The following VWDE variants were observed in gnomAD, a reference collection of about 807,000 sequenced individuals.
VWDE encodes von Willebrand factor D and EGF domain-containing protein.
VWDE carries 207 observed loss-of-function variants against 178.4 expected under a neutral mutation model. The ratio of observed to expected loss-of-function variants is 1.16; its 90% CI spans 1.04 to 1.30. VWDE has a LOEUF of 1.30. VWDE is among the 50% of genes most tolerant of loss of function. The pLI is 0.00. For missense variants in VWDE, 2,287 were observed against 1,901.3 expected (o/e 1.20, Z -3.77); for synonymous variants, 738 against 651.4 (o/e 1.13, Z -2.02).
At chr7:12,394,966 C>G (rs1245956299) in intron 1 of VWDE, among the ~76,000 whole-genome samples, 1 of 151,972 alleles carries the variant, frequency 6.6e-6, no homozygotes, top group African/African-American at 2.4e-5. Context: ...ACAAGTGTAG[C>G]CTACGAAAAA....
At chr7:12,359,166 A>C (rs1782434899) in intron 16 of VWDE, among the ~76,000 whole-genome samples, 1 of 152,154 alleles carries the variant, frequency 6.6e-6, no homozygotes, top group South Asian at 2.1e-4. Flanking sequence ...AAGTATCTCA[A>C]AATTATCTGT....
chr7:12,334,318 T>G (rs997523499), intron 27 of VWDE, among the ~76,000 whole-genome samples: 1 of 152,210 alleles, frequency 6.6e-6, no homozygotes, highest in African/African-American at 2.4e-5. Flanking sequence ...CAAACAATAT[T>G]GAGTGAAAAT....
chr7:12,348,915 T>A (rs1037625299), intron 19 of VWDE, among the ~76,000 whole-genome samples: 4 of 152,106 alleles, frequency 2.6e-5, no homozygotes, highest in African/African-American at 9.7e-5. Context: ...GATGAGTTCA[T>A]GTCCTTTGTA....
chr7:12,373,246 C>G lies in VWDE; in HGVS notation c.1318G>C (p.Val440Leu). 6.5e-7 allele frequency: 1 copy of G among 1,549,518 alleles called. No individual in the cohort carries two copies. The highest frequency in any genetic ancestry group is 8.7e-7 in the Non-Finnish European group (1 of 1,146,352). Reference protein sequence around the residue: ...DPHIITFDGRVYDNFKTGTFV... With the variant: ...DPHIITFDGRLYDNFKTGTFV... The stretch of plus-strand genomic sequence containing the variant: ...GTTCCAGTCTTGAAATTATCATATA[C>G]CCTATCATTAACAAAAGGCAATTGC... Residue 440 changes from valine to leucine, a missense_variant and splice_region_variant, in exon 10 of 29, where the codon GTA becomes CTA. Transcript: ENST00000275358.
At position 12,357,468 on chromosome 7, in the gene VWDE, A is replaced by C; in HGVS notation, c.3322T>G (p.Phe1108Val). Residue 1108 changes from phenylalanine to valine, a missense_variant, in exon 17 of 29, where the codon TTT (phenylalanine) becomes GTT (valine). By Grantham distance (50) the Phe-to-Val change is conservative (BLOSUM62 -1). Coordinates refer to ENST00000275358, the MANE Select transcript of VWDE (RefSeq NM_001135924.3). ...IQALQDKLQTFYGENFEYQFV... is the reference protein window; with the variant it reads ...IQALQDKLQTVYGENFEYQFV... ...TGATACTCAAAGTTTTCACCATAAAATGTCTGTAATTTGTCTTGCAATGCT... is the reference window on the plus strand; with the variant it reads ...TGATACTCAAAGTTTTCACCATAAACTGTCTGTAATTTGTCTTGCAATGCT... The C allele has an allele frequency of 6.4e-7, 1 of 1,552,106 alleles. No homozygotes were observed. Among genetic ancestry groups the C allele is most frequent in the Non-Finnish European group, 8.7e-7 (1 of 1,147,098 alleles).
At chr7:12,384,680 T>C (rs988812856) in intron 3 of VWDE, among the ~76,000 whole-genome samples, 1 of 152,120 alleles carries the variant, frequency 6.6e-6, no homozygotes, top group Non-Finnish European at 1.5e-5. Context: ...GTTGGTTTTA[T>C]GCCAGTTCCT....
intron 19 of VWDE, among the ~76,000 whole-genome samples, chr7:12,345,396 G>A (rs746660519): frequency 6.6e-6 from 1 of 152,016 alleles, no homozygotes; most frequent in African/African-American, 2.4e-5. Context: ...TACTACCTCT[G>A]CAATTGATAC....
At chr7:12,350,569 T>C (rs565596017) in intron 19 of VWDE, among the ~76,000 whole-genome samples, 8 of 152,218 alleles carry the variant, frequency 5.3e-5, no homozygotes, top group African/African-American at 1.7e-4. Flanking sequence ...TCCCATACCA[T>C]TAACAAAGCT....
chr7:12,331,256 A>G, intron 28 of VWDE, 59 bp from the exon 29 acceptor site: 1 of 1,451,678 alleles, frequency 6.9e-7, no homozygotes, highest in Non-Finnish European at 9.3e-7. Flanking sequence ...TTTAACCCTT[A>G]CTCATTATTT....
At position 12,344,392 on chromosome 7, in the gene VWDE, C is replaced by A; in HGVS notation, c.3964G>T (p.Gly1322Cys). The change falls in exon 20 of 29, where the codon GGT becomes TGT. Residue 1322 changes from glycine (G) to cysteine (C), a missense_variant. By Grantham distance (159) the Gly-to-Cys change is radical. Transcript: ENST00000275358. ...NICKCKPGYIGSNCQTALCDP... is the reference protein window; with the variant it reads ...NICKCKPGYICSNCQTALCDP... ...TACCTACCAGTTTGGCAGTTAGAAC[C>A]AATGTAACCAGGTTTACATTTGCAG... 1 of 1,550,698 alleles carries A rather than the reference C, an allele frequency of 6.4e-7. No individual in the cohort carries two copies. Among genetic ancestry groups the A allele is most frequent in the Non-Finnish European group, 8.7e-7 (1 of 1,146,462 alleles).
In VWDE at chr7:12,337,826, T is replaced by C. The variant is rs533436089; in HGVS notation, c.4367-554A>G. Among the ~76,000 whole-genome samples the C allele has an allele frequency of 2.6e-5, 4 of 152,282 alleles. No homozygotes were observed. The East Asian group carries it at 5.8e-4, about 22-fold the overall frequency. ...AGAATATTTGTTAGATAATTTTGAA[T>C]ATATCTTACTGGTAGTTCCTATTTG... On this transcript the variant is annotated intron_variant, in intron 24 of 28. Transcript: ENST00000275358.
At chr7:12,388,038 G>A (rs185200526) in intron 3 of VWDE, among the ~76,000 whole-genome samples, 347 of 152,194 alleles carry the variant, frequency 2.3e-3, no homozygotes, top group Non-Finnish European at 3.5e-3. Flanking sequence ...CAGATTTTAC[G>A]AATCTGAATT....
chr7:12,353,922 T>TTC (rs1782078719), intron 18 of VWDE: 1 of 153,836 alleles, frequency 6.5e-6, no homozygotes, highest in Admixed American at 6.5e-5. Context: ...TGTTGCCTGC[T>TTC]TCTGTCCCTT....
chr7:12,382,407 T>C (rs1015675859), intron 4 of VWDE, among the ~76,000 whole-genome samples: 3 of 151,770 alleles, frequency 2.0e-5, no homozygotes, highest in Non-Finnish European at 4.4e-5. Context: ...TTAATTAAAC[T>C]GACCTCCACA....
Position 12,331,134 on chromosome 7 carries a change from T to C in VWDE, c.*49A>G. 1 of 1,487,088 alleles carries C rather than the reference T, an allele frequency of 6.7e-7. No individual in the cohort carries two copies. Among genetic ancestry groups the C allele is most frequent in the Non-Finnish European group, 9.0e-7 (1 of 1,105,424 alleles). The allele number at this position is 1,487,088 out of a possible 1,614,324, so 92.1% of individuals were successfully genotyped here. On this transcript the variant is annotated 3_prime_UTR_variant, in exon 29 of 29. Transcript: ENST00000275358. ...TATCTCCAACTTTTTCTGAACAAAATATTTCCATTCTTAAGATACAGGCTT... is the reference window on the plus strand; with the variant it reads ...TATCTCCAACTTTTTCTGAACAAAACATTTCCATTCTTAAGATACAGGCTT...
At chr7:12,365,805 A>G (rs1040735049) in intron 13 of VWDE, among the ~76,000 whole-genome samples, 1 of 152,172 alleles carries the variant, frequency 6.6e-6, no homozygotes, top group African/African-American at 2.4e-5. Context: ...ACTTCAGCAC[A>G]ATGTAAAATA....
In VWDE at chr7:12,370,741, T is replaced by C; in HGVS notation, c.1711A>G (p.Asn571Asp). The change falls in exon 11 of 29, where the codon AAT becomes GAT. Residue 571 changes from asparagine (N) to aspartate (D), a missense_variant. Asn to Asp is a conservative substitution (Grantham distance 23, BLOSUM62 1). Coordinates refer to ENST00000275358, the MANE Select transcript of VWDE (RefSeq NM_001135924.3). ...TLGLCGTFDE[N>D]PENDFHDKNG... ...TTGTCATGGAAATCATTTTCCGGATTTTCATCAAAGGTTCCACAAAGTCCC... is the reference window on the plus strand; with the variant it reads ...TTGTCATGGAAATCATTTTCCGGATCTTCATCAAAGGTTCCACAAAGTCCC... 3 of 1,551,246 alleles carry C rather than the reference T, an allele frequency of 1.9e-6. No homozygotes were observed. The highest frequency in any genetic ancestry group is 2.6e-6 in the Non-Finnish European group (3 of 1,146,728).
In VWDE at chr7:12,379,584, A is replaced by C. The variant is rs1783728303; in HGVS notation, c.790-18T>G. On this transcript the variant is annotated intron_variant, in intron 5 of 28. Coordinates refer to ENST00000275358, the MANE Select transcript of VWDE (RefSeq NM_001135924.3). ...CAGAATATCTATGGATATAATTAAA[A>C]AATAATCACTTAGAAATTCAATTTT... 10 of 1,505,142 alleles carry C rather than the reference A, an allele frequency of 6.6e-6. No homozygotes were observed. The East Asian group carries it at 2.5e-4, about 37-fold the overall frequency. 93.2% of individuals were successfully genotyped at this position (1,505,142 alleles called of 1,614,324 possible). A position where few individuals can be genotyped will look rare whatever the true frequency, so the allele number is the denominator to read the frequency against.
intron 26 of VWDE, 88 bp downstream of exon 26, chr7:12,336,900 A>C: frequency 4.6e-6 from 6 of 1,296,180 alleles, no homozygotes; most frequent in Non-Finnish European, 5.2e-6. Flanking sequence ...CCAAGCAAAC[A>C]AAAGTGAAAA....
Sources: allele counts gnomAD v4.1 joint callset (sites outside exome capture counted in the v4.1 genomes callset), GRCh38; gene constraint gnomAD v4.1.1; transcripts MANE v1.5; gene names NCBI Gene and HGNC (gene_info 2026-07-23, HGNC 2026-07-21).